Variants in TECTB observed in about 807,000 individuals in gnomAD.
The protein encoded by TECTB is beta-tectorin.
Under a neutral mutation model 43.3 loss-of-function variants are expected in TECTB, and 45 were observed. That is an observed-to-expected ratio of 1.04 (90% CI 0.82 to 1.33). TECTB has a LOEUF of 1.33. TECTB is among the 40% of genes most tolerant of loss of function. The probability of loss-of-function intolerance (pLI) is 0.00; values close to 1 mark genes in which losing one functional copy is unlikely to be tolerated. For missense variants in TECTB, 399 were observed against 404.7 expected (o/e 0.99, Z 0.12); for synonymous variants, 169 against 156.7 (o/e 1.08, Z -0.59).
At position 112,303,968 on chromosome 10, in the gene TECTB, G is replaced by C; in HGVS notation, c.*656G>C. 1 of 152,120 alleles carries C rather than the reference G, an allele frequency of 6.6e-6. No individual in the cohort carries two copies. The highest frequency in any genetic ancestry group is 1.5e-5 in the Non-Finnish European group (1 of 68,038). 9.4% of individuals were successfully genotyped at this position (152,120 alleles called of 1,614,324 possible). Reference sequence around the variant, plus strand: ...TGTTAAATATATAAACATGATATAGGTAGAAACTCCTTGTTTTTATAGCAG... The same window carrying C: ...TGTTAAATATATAAACATGATATAGCTAGAAACTCCTTGTTTTTATAGCAG... On this transcript the variant is annotated 3_prime_UTR_variant, in exon 11 of 11. Transcript: ENST00000646139.
intron 5 of TECTB, 23 bp downstream of exon 5, chr10:112,286,414 T>C (rs1269208091): frequency 6.3e-7 from 1 of 1,594,432 alleles, no homozygotes; most frequent in Non-Finnish European, 8.6e-7. Flanking sequence ...CAGGTTCCCA[T>C]TACTTCCCTG....
intron 7 of TECTB, 45 bp from the exon 8 acceptor site, chr10:112,298,024 G>T: frequency 6.2e-7 from 1 of 1,612,484 alleles, no homozygotes; most frequent in South Asian, 1.1e-5. Flanking sequence ...TCTTGCTGGA[G>T]TTCAAGGAGA....
chr10:112,299,451 C>T (rs1392448526), intron 8 of TECTB, 41 bp from the exon 9 acceptor site: 1 of 1,605,830 alleles, frequency 6.2e-7, no homozygotes, highest in South Asian at 1.1e-5. Context: ...CATCATCCCA[C>T]CTTCCCCGCT....
At chr10:112,300,230 T>TAAG (rs1554854202) in intron 9 of TECTB, among the ~76,000 whole-genome samples, 1 of 55,024 alleles carries the variant, frequency 1.8e-5, no homozygotes, top group Admixed American at 2.3e-4. Context: ...CAGAAAGAAA[T>TAAG]AAAGAAAGAA....
At chr10:112,298,601 G>T (rs61872309) in intron 8 of TECTB, among the ~76,000 whole-genome samples, 20,092 of 152,256 alleles carry the variant, frequency 0.13, 1,442 homozygotes, top group Middle Eastern at 0.19. Context: ...GGAAATTCAA[G>T]GTCTAGGTGG....
intron 7 of TECTB, among the ~76,000 whole-genome samples, chr10:112,296,077 G>C (rs1848544486): frequency 6.6e-6 from 1 of 152,074 alleles, no homozygotes; most frequent in Admixed American, 6.5e-5. Context: ...GGAGATACAT[G>C]CACAAAGTTC....
At chr10:112,300,104 G>A (rs1381475027) in intron 9 of TECTB, among the ~76,000 whole-genome samples, 3 of 150,220 alleles carry the variant, frequency 2.0e-5, no homozygotes, top group Non-Finnish European at 3.0e-5. Context: ...AGAGGTTGCA[G>A]TGAGCTGAGA....
rs755687680 is a variant in TECTB at position 112,299,603 on chromosome 10, A to T, written c.907+39A>T. 3 of 1,606,596 alleles carry T rather than the reference A, an allele frequency of 1.9e-6. No homozygotes were observed. The Admixed American group carries it at 5.0e-5, about 27-fold the overall frequency. Reference sequence around the variant, plus strand: ...TTTTCCTCTGTTTTCCAAACGGTTGAGTTCACGCTGGGCTGCGTCCACAGG... The same window carrying T: ...TTTTCCTCTGTTTTCCAAACGGTTGTGTTCACGCTGGGCTGCGTCCACAGG... On this transcript the variant is annotated intron_variant, in intron 9 of 10. Transcript: ENST00000646139.
Position 112,286,167 on chromosome 10 carries a change from A to G in TECTB, c.364A>G (p.Thr122Ala). ...GCCTGTCAACTACTCCTTCTCCTGC[A>G]CCTACCACTCCACCTACTTGGTGAA... ...NQPVNYSFSCTYHSTYLVNQA... is the reference protein window; with the variant it reads ...NQPVNYSFSCAYHSTYLVNQA... The change falls in exon 4 of 11, where the codon ACC becomes GCC. Residue 122 changes from threonine to alanine, a missense_variant. Transcript: ENST00000646139. 1 of 1,614,144 alleles carries G rather than the reference A, an allele frequency of 6.2e-7. No homozygotes were observed. The highest frequency in any genetic ancestry group is 1.1e-5 in the South Asian group (1 of 91,086).
chr10:112,302,325 G>A, intron 10 of TECTB, 192 bp downstream of exon 10: 1 of 552,464 alleles, frequency 1.8e-6, no homozygotes. Context: ...GAACTCTGAA[G>A]AGAGGGAGGA....
In TECTB at chr10:112,293,801, G is replaced by A. The variant is rs752231941; in HGVS notation, c.547G>A (p.Asp183Asn). 1.2e-6 allele frequency: 2 copies of A among 1,614,158 alleles called. No homozygotes were observed. The highest frequency in any genetic ancestry group is 1.7e-6 in the Non-Finnish European group (2 of 1,180,024). ...FVLEASEIGSDLFAGVEAKGL... is the reference protein window; with the variant it reads ...FVLEASEIGSNLFAGVEAKGL... ...CCTGGAGGCATCCGAAATCGGTTCA[G>A]ATCTGTTTGCAGGAGTGGAAGCCAA... is the stretch of plus-strand genomic sequence containing the variant. Residue 183 changes from aspartate to asparagine, a missense_variant, in exon 6 of 11, where the codon GAT becomes AAT. By Grantham distance (23) the Asp-to-Asn change is conservative. Transcript: ENST00000646139.
intron 10 of TECTB, chr10:112,303,038 C>A: frequency 1.8e-6 from 1 of 568,552 alleles, no homozygotes; most frequent in East Asian, 2.8e-5. Context: ...GTACCATGCA[C>A]CATCACTGAT....
At chr10:112,303,094 T>G in intron 10 of TECTB, 169 bp from the exon 11 acceptor site, 3 of 729,086 alleles carry the variant, frequency 4.1e-6, no homozygotes, top group Admixed American at 2.4e-5. Flanking sequence ...TGTCAGGTTC[T>G]TTGTACTGAT....
chr10:112,284,498 C>G (rs891756604), intron 2 of TECTB, 37 bp from the exon 3 acceptor site: 1 of 1,530,878 alleles, frequency 6.5e-7, no homozygotes, highest in Admixed American at 1.9e-5. Flanking sequence ...GCATGATTAC[C>G]CTAACTGATT....
rs920213332 is a variant in TECTB at position 112,291,863 on chromosome 10, G to A, written c.484-1875G>A. Among the ~76,000 whole-genome samples, 16 of 152,322 alleles carry A rather than the reference G, an allele frequency of 1.1e-4. 1 individual carries two copies. In the East Asian group the frequency reaches 2.3e-3, roughly 22 times the overall value. On this transcript the variant is annotated intron_variant, in intron 5 of 10. Coordinates refer to ENST00000646139, the MANE Select transcript of TECTB (RefSeq NM_058222.3). ...CTGAAATCTAATCCACAGGCTGGGC[G>A]CAGTGGCTCACGCCTGTAATCCCAG... is the stretch of plus-strand genomic sequence containing the variant.
At chr10:112,300,505 G>C (rs997907501) in intron 9 of TECTB, among the ~76,000 whole-genome samples, 1 of 152,290 alleles carries the variant, frequency 6.6e-6, no homozygotes, top group South Asian at 2.1e-4. Flanking sequence ...GGGATTTACT[G>C]TCTAGCAAGG....
chr10:112,292,750 A>G (rs959531044), intron 5 of TECTB, among the ~76,000 whole-genome samples: 8 of 151,930 alleles, frequency 5.3e-5, no homozygotes, highest in Non-Finnish European at 1.0e-4. Context: ...AGCCAGCCCC[A>G]GTCTTCTTGA....
At chr10:112,293,677 T>C (rs530876623) in intron 5 of TECTB, 61 bp from the exon 6 acceptor site, 74 of 1,483,796 alleles carry the variant, frequency 5.0e-5, no homozygotes, top group Non-Finnish European at 7.0e-5. Context: ...CATCTGCTCC[T>C]GGTAGACCTA....
In TECTB at chr10:112,304,799, C is replaced by T. The variant is rs758889143; in HGVS notation, c.*1487C>T. 3.5e-5 allele frequency: 5 copies of T among 141,648 alleles called. No homozygotes were observed. The highest frequency in any genetic ancestry group is 7.4e-5 in the Non-Finnish European group (5 of 67,986). 8.8% of individuals were successfully genotyped at this position (141,648 alleles called of 1,614,324 possible). ...CTTGGTCTCTAAGCTGGAGTTCCAA[C>T]GAGTTTAGGATCTCTTCTTTCTGTA... On this transcript the variant is annotated 3_prime_UTR_variant, in exon 11 of 11. Transcript: ENST00000646139.
Sources: allele counts gnomAD v4.1 joint callset (sites outside exome capture counted in the v4.1 genomes callset), GRCh38; gene constraint gnomAD v4.1.1; transcripts MANE v1.5; gene names NCBI Gene and HGNC (gene_info 2026-07-23, HGNC 2026-07-21).